The following ABCB4 variants were observed in gnomAD, a reference collection of about 807,000 sequenced individuals.
The protein encoded by ABCB4 is phosphatidylcholine translocator ABCB4.
A neutral mutation model predicts 145.7 loss-of-function variants in ABCB4; 76 were observed. The ratio of observed to expected loss-of-function variants is 0.52; its 90% CI spans 0.43 to 0.63. ABCB4 has a LOEUF of 0.63. Ranked by LOEUF, ABCB4 falls within the 30% of genes least tolerant of loss-of-function variation. The pLI is 0.00. For synonymous variants in ABCB4, 517 were observed against 566.8 expected (o/e 0.91, Z 1.25); for missense variants, 1,234 against 1,553.1 (o/e 0.79, Z 3.45).
chr7:87,465,162 G>A (rs1425283899), intron 3 of ABCB4, among the ~76,000 whole-genome samples: 1 of 152,136 alleles, frequency 6.6e-6, no homozygotes, highest in Non-Finnish European at 1.5e-5. Context: ...CTGGAAAATC[G>A]GGTCACTCTC....
chr7:87,450,577 T>C (rs1356050184), intron 7 of ABCB4, among the ~76,000 whole-genome samples: 1 of 151,912 alleles, frequency 6.6e-6, no homozygotes, highest in East Asian at 1.9e-4. Flanking sequence ...TTCAAGTGAT[T>C]CTTCTGCCTC....
the ABCB4 span, among the ~76,000 whole-genome samples, chr7:87,380,942 G>T: frequency 4.5e-4 from 68 of 152,346 alleles, no homozygotes; most frequent in East Asian, 6.0e-3. Context: ...CAGATAAACT[G>T]CTCAGGCATC....
chr7:87,413,816 C>T (rs1808789690), intron 21 of ABCB4, 99 bp from the exon 22 acceptor site: 5 of 820,196 alleles, frequency 6.1e-6, no homozygotes, highest in South Asian at 5.5e-5. Flanking sequence ...CTGAAGGTTA[C>T]GTTGATAGGC....
intron 14 of ABCB4, among the ~76,000 whole-genome samples, chr7:87,434,259 C>T (rs1232775306): frequency 1.3e-5 from 2 of 151,020 alleles, no homozygotes; most frequent in African/African-American, 2.4e-5. Flanking sequence ...TGTTTCTTTT[C>T]CTGTTCTTCT....
chr7:87,381,258 G>A, the ABCB4 span, among the ~76,000 whole-genome samples: 47 of 152,272 alleles, frequency 3.1e-4, no homozygotes, highest in African/African-American at 1.1e-3. Context: ...TGGGGAAAAT[G>A]CGGGCAAAAA....
At chr7:87,367,602 T>A in the ABCB4 span, among the ~76,000 whole-genome samples, 1 of 152,222 alleles carries the variant, frequency 6.6e-6, no homozygotes, top group African/African-American at 2.4e-5. Context: ...CATATACTTT[T>A]CTTTTCTTTT....
rs45616238 is a variant in ABCB4 at position 87,454,261 on chromosome 7, T to G, written c.344+274A>C. Among the ~76,000 whole-genome samples, 7,533 of 152,270 alleles carry G rather than the reference T, an allele frequency of 0.049. 259 individuals are homozygous for G. The highest frequency in any genetic ancestry group is 0.067 in the Non-Finnish European group (4,578 of 68,014). On this transcript the variant is annotated intron_variant, in intron 5 of 27. Transcript: ENST00000649586. ...ATTGGATCAAATGACAAAATTGGAA[T>G]ATAGATGTTATATTAGATAAAAGTA...
At chr7:87,457,775 G>A (rs1322573087) in intron 4 of ABCB4, among the ~76,000 whole-genome samples, 1 of 152,170 alleles carries the variant, frequency 6.6e-6, no homozygotes, top group Non-Finnish European at 1.5e-5. Flanking sequence ...TGGGTGAAGG[G>A]TCTGAATAAG....
chr7:87,465,652 G>C (rs1179154210), intron 3 of ABCB4, among the ~76,000 whole-genome samples: 1 of 152,228 alleles, frequency 6.6e-6, no homozygotes, highest in African/African-American at 2.4e-5. Context: ...GCACCACCCA[G>C]TAGGGGCAGA....
chr7:87,375,706 A>T, the ABCB4 span: 1 of 1,613,540 alleles, frequency 6.2e-7, no homozygotes, highest in Non-Finnish European at 8.5e-7. Context: ...ACTAGTGAGG[A>T]GCGAACTCGA....
the ABCB4 span, chr7:87,382,145 T>A: frequency 6.2e-7 from 1 of 1,613,430 alleles, no homozygotes. Flanking sequence ...AAGTTTTAAA[T>A]GACATCAACC....
intron 26 of ABCB4, 121 bp downstream of exon 26, chr7:87,406,167 T>C: frequency 1.9e-6 from 2 of 1,033,766 alleles, no homozygotes; most frequent in Non-Finnish European, 3.0e-6. Context: ...AAGTGCCTTG[T>C]CCAAGTTGTT....
At chr7:87,411,229 T>C (rs1258178498) in intron 23 of ABCB4, among the ~76,000 whole-genome samples, 2 of 152,014 alleles carry the variant, frequency 1.3e-5, no homozygotes, top group Non-Finnish European at 2.9e-5. Flanking sequence ...CAAAAATGGC[T>C]GTTCACCACT....
downstream of ABCB4, chr7:87,398,482 G>A: frequency 6.2e-7 from 1 of 1,609,416 alleles, no homozygotes; most frequent in Non-Finnish European, 8.5e-7. Context: ...TCACTATTTG[G>A]AGCCTTTTGT....
intron 3 of ABCB4, among the ~76,000 whole-genome samples, chr7:87,471,943 T>A (rs1215121796): frequency 6.6e-6 from 1 of 152,212 alleles, no homozygotes; most frequent in Non-Finnish European, 1.5e-5. Context: ...TTTCTTGAAA[T>A]GCAAGCTTAT....
At chr7:87,381,897 G>C in the ABCB4 span, 1 of 1,573,986 alleles carries the variant, frequency 6.4e-7, no homozygotes, top group Admixed American at 1.8e-5. Context: ...AATCTTGTGT[G>C]TTCTCATTTT....
intron 21 of ABCB4, among the ~76,000 whole-genome samples, chr7:87,415,259 G>A (rs1808887156): frequency 6.6e-6 from 1 of 151,568 alleles, no homozygotes; most frequent in Non-Finnish European, 1.5e-5. Flanking sequence ...AGCCCTTTTT[G>A]GAAAATTGGG....
chr7:87,419,314 C>G (rs1463021475), intron 19 of ABCB4, among the ~76,000 whole-genome samples: 1 of 152,096 alleles, frequency 6.6e-6, no homozygotes, highest in Non-Finnish European at 1.5e-5. Flanking sequence ...GTAATCAGTT[C>G]CTGTCAATTG....
At chr7:87,460,471 A>G (rs141830611) in intron 4 of ABCB4, among the ~76,000 whole-genome samples, 17 of 151,968 alleles carry the variant, frequency 1.1e-4, no homozygotes, top group South Asian at 2.1e-4. Flanking sequence ...CTCAGTGTCT[A>G]TTGTTCTCAT....
Sources: allele counts gnomAD v4.1 joint callset (sites outside exome capture counted in the v4.1 genomes callset), GRCh38; gene constraint gnomAD v4.1.1; transcripts MANE v1.5; gene names NCBI Gene and HGNC (gene_info 2026-07-23, HGNC 2026-07-21).